The following ESR1 variants were observed in gnomAD, a reference collection of about 807,000 sequenced individuals.
The protein encoded by ESR1 is estrogen receptor.
A neutral mutation model predicts 52.7 loss-of-function variants in ESR1; 12 were observed. That is an observed-to-expected ratio of 0.23 (90% CI 0.15 to 0.37). The LOEUF (loss-of-function observed/expected upper bound fraction) is 0.37. Among genes scored for constraint, ESR1 ranks in the 10% least tolerant of loss-of-function variants. The probability of loss-of-function intolerance (pLI) is 1.00; values close to 1 mark genes in which losing one functional copy is unlikely to be tolerated. For missense variants in ESR1, 584 were observed against 779.7 expected, an observed-to-expected ratio of 0.75 and a Z score of 2.99; for synonymous variants, 305 against 316.8, an observed-to-expected ratio of 0.96 and a Z score of 0.39.
At chr6:151,811,695 A>G (rs529740976) in intron 1 of ESR1, among the ~76,000 whole-genome samples, 9 of 152,174 alleles carry the variant, frequency 5.9e-5, no homozygotes, top group Non-Finnish European at 1.2e-4. Flanking sequence ...TTTTACTTAG[A>G]TAACATTTCA....
Position 151,956,843 on chromosome 6 carries a change from A to T in ESR1, c.1096+12335A>T, listed in dbSNP as rs6937408. Among the ~76,000 whole-genome samples the T allele has an allele frequency of 4.9e-3, 218 of 44,380 alleles. 1 individual carries two copies. The highest frequency in any genetic ancestry group is 0.012 in the East Asian group (37 of 3,016). The allele number at this position is 44,380 out of a possible 152,430, so 29.1% of individuals were successfully genotyped here. On this transcript the variant is annotated intron_variant, in intron 4 of 7. Transcript: ENST00000206249. ...ATAAAAATATATATAAATATAAATA[A>T]ATATATATATATATATATAAATATA...
At chr6:151,897,247 C>G (rs1197452863) in intron 3 of ESR1, among the ~76,000 whole-genome samples, 1 of 152,128 alleles carries the variant, frequency 6.6e-6, no homozygotes, top group Non-Finnish European at 1.5e-5. Context: ...GACTTTCTGT[C>G]TTGATGACCT....
At chr6:151,924,306 G>C (rs2032282592) in intron 3 of ESR1, among the ~76,000 whole-genome samples, 1 of 152,142 alleles carries the variant, frequency 6.6e-6, no homozygotes, top group African/African-American at 2.4e-5. Flanking sequence ...CTCCCAAAGT[G>C]CTGGGATTAC....
At chr6:152,066,143 C>T (rs62429677) in intron 6 of ESR1, among the ~76,000 whole-genome samples, 23 of 152,134 alleles carry the variant, frequency 1.5e-4, no homozygotes, top group Non-Finnish European at 2.6e-4. Flanking sequence ...CCTCATGAAA[C>T]GAAGGATGCT....
intron 2 of ESR1, among the ~76,000 whole-genome samples, chr6:151,716,840 G>A (rs1046157737): frequency 1.2e-4 from 18 of 152,172 alleles, no homozygotes; most frequent in African/African-American, 3.9e-4. Context: ...GGGAGTGAAT[G>A]GTTCTGTCTC....
At chr6:151,818,941 A>G (rs894829421) in intron 1 of ESR1, among the ~76,000 whole-genome samples, 1 of 152,146 alleles carries the variant, frequency 6.6e-6, no homozygotes, top group Non-Finnish European at 1.5e-5. Context: ...GAAAACATGT[A>G]TGTTCCATGG....
chr6:151,752,615 T>G (rs891720200), intron 2 of ESR1, among the ~76,000 whole-genome samples: 1 of 152,184 alleles, frequency 6.6e-6, no homozygotes, highest in Non-Finnish European at 1.5e-5. Context: ...CTCTTTGACT[T>G]CTTTTCTATG....
intron 5 of ESR1, among the ~76,000 whole-genome samples, chr6:152,041,667 T>G (rs2045811423): frequency 6.6e-6 from 1 of 152,226 alleles, no homozygotes; most frequent in Non-Finnish European, 1.5e-5. Flanking sequence ...CATAATGTCA[T>G]GAATATAATG....
intron 5 of ESR1, among the ~76,000 whole-genome samples, chr6:152,040,606 CAA>C (rs1396051177): frequency 1.3e-5 from 2 of 152,342 alleles, no homozygotes; most frequent in East Asian, 3.9e-4. Context: ...TCCTTCTAAG[CAA>C]AGTGCACAGC....
chr6:151,903,489 C>T (rs554711881), intron 3 of ESR1, among the ~76,000 whole-genome samples: 1 of 152,332 alleles, frequency 6.6e-6, no homozygotes, highest in Non-Finnish European at 1.5e-5. Context: ...CTGCCCTCTA[C>T]CTCACCTCCA....
At chr6:152,040,535 T>A (rs1303124501) in intron 5 of ESR1, among the ~76,000 whole-genome samples, 2 of 152,218 alleles carry the variant, frequency 1.3e-5, no homozygotes, top group African/African-American at 4.8e-5. Flanking sequence ...TCCCTGACCA[T>A]CCAGCCAAAC....
chr6:151,786,308 G>A (rs573142813), intron 2 of ESR1, among the ~76,000 whole-genome samples: 2 of 152,240 alleles, frequency 1.3e-5, no homozygotes, highest in South Asian at 4.1e-4. Context: ...GAGCCTCCTG[G>A]CACCTCTACC....
intron 4 of ESR1, among the ~76,000 whole-genome samples, chr6:151,968,317 C>G (rs1227800471): frequency 6.6e-6 from 1 of 152,040 alleles, no homozygotes; most frequent in African/African-American, 2.4e-5. Context: ...CCATAAAAAC[C>G]CTAGAAGAAA....
intron 3 of ESR1, among the ~76,000 whole-genome samples, chr6:151,892,754 G>C (rs537897119): frequency 8.2e-4 from 125 of 152,304 alleles, no homozygotes; most frequent in African/African-American, 2.6e-3. Context: ...GCATAGGCTA[G>C]TCTGGTTATG....
At chr6:151,719,619 G>A (rs1245358231) in intron 2 of ESR1, among the ~76,000 whole-genome samples, 1 of 152,046 alleles carries the variant, frequency 6.6e-6, no homozygotes, top group Non-Finnish European at 1.5e-5. Flanking sequence ...GAGTTCAGAG[G>A]GTAATGCTTT....
chr6:152,089,234 T>C (rs2049987628), intron 6 of ESR1, among the ~76,000 whole-genome samples: 1 of 152,208 alleles, frequency 6.6e-6, no homozygotes, highest in Non-Finnish European at 1.5e-5. Context: ...TCTTATCATG[T>C]TACAAATTTA....
rs114677449 is a variant in ESR1, at chr6:152,037,177, G to T, written c.1236-23814G>T. Among the ~76,000 whole-genome samples the T allele has an allele frequency of 2.2e-3, 336 of 152,214 alleles. 1 individual carries two copies. The highest frequency in any genetic ancestry group is 7.7e-3 in the African/African-American group (321 of 41,518). ...TTGTTCTGTTGGACTAAGGATATCA[G>T]TTCTATCCGTATGGTCGGGCCTAAA... On this transcript the variant is annotated intron_variant, in intron 5 of 7. Transcript: ENST00000206249.
chr6:152,058,761 A>G (rs2047309608), intron 5 of ESR1, among the ~76,000 whole-genome samples: 2 of 152,156 alleles, frequency 1.3e-5, no homozygotes, highest in South Asian at 2.1e-4. Context: ...GAGCATAAGA[A>G]CTAGTATGTA....
chr6:151,951,853 T>G (rs1340756442), intron 4 of ESR1, among the ~76,000 whole-genome samples: 2 of 152,186 alleles, frequency 1.3e-5, no homozygotes, highest in African/African-American at 4.8e-5. Context: ...CTCCTACTCC[T>G]CTCCCTTCTG....
Sources: allele counts gnomAD v4.1 joint callset (sites outside exome capture counted in the v4.1 genomes callset), GRCh38; gene constraint gnomAD v4.1.1; transcripts MANE v1.5; gene names NCBI Gene and HGNC (gene_info 2026-07-23, HGNC 2026-07-21).